CCDC178: variants seen among roughly 807,000 people sequenced by gnomAD.
CCDC178 encodes coiled-coil domain-containing protein 178.
A neutral mutation model predicts 117.4 loss-of-function variants in CCDC178; 126 were observed. That is an observed-to-expected ratio of 1.07 (90% CI 0.93 to 1.24). CCDC178 has a LOEUF of 1.24. Ranked by LOEUF, CCDC178 falls within the 50% of genes most tolerant of loss-of-function variation. The pLI is 0.00. For synonymous variants in CCDC178, 283 were observed against 313.4 expected, an observed-to-expected ratio of 0.90 and a Z score of 1.02; for missense variants, 1,030 against 986.9, an observed-to-expected ratio of 1.04 and a Z score of -0.59.
intron 21 of CCDC178, among the ~76,000 whole-genome samples, chr18:32,981,769 T>C (rs939338862): frequency 7.9e-5 from 12 of 152,272 alleles, no homozygotes; most frequent in Non-Finnish European, 1.6e-4. Context: ...AAATACTGAG[T>C]TTATATCATT....
At chr18:33,229,564 C>T (rs908557233) in intron 15 of CCDC178, among the ~76,000 whole-genome samples, 2 of 152,124 alleles carry the variant, frequency 1.3e-5, no homozygotes, top group African/African-American at 4.8e-5. Flanking sequence ...AGAGAGATTA[C>T]ATAAATTGAC....
At chr18:33,339,234 T>C (rs1243877536) in intron 9 of CCDC178, among the ~76,000 whole-genome samples, 2 of 151,736 alleles carry the variant, frequency 1.3e-5, no homozygotes, top group African/African-American at 2.4e-5. Flanking sequence ...AAATAAGATA[T>C]GGGAAATCAG....
intron 20 of CCDC178, among the ~76,000 whole-genome samples, chr18:33,134,305 A>G (rs181281483): frequency 6.6e-6 from 1 of 152,146 alleles, no homozygotes; most frequent in African/African-American, 2.4e-5. Flanking sequence ...GGGTTAGGAT[A>G]ATTGAAAACT....
chr18:33,010,900 T>C (rs776661202), intron 21 of CCDC178, among the ~76,000 whole-genome samples: 3 of 152,206 alleles, frequency 2.0e-5, no homozygotes, highest in Non-Finnish European at 4.4e-5. Context: ...ATCAGAGTGC[T>C]GTGTTAAGGT....
rs1344692376 is a variant in CCDC178 at position 33,412,081 on chromosome 18, T to A, written c.8A>T (p.Glu3Val). ...GGAAGAAGAGGAAACTGTCTTGTTT[T>A]CAGTCATAGTTATAAGAATATTTTA... MT[E>V]NKTVSSSSTR... The change falls in exon 3 of 23, where the codon GAA becomes GTA. Residue 3 changes from glutamate (E) to valine (V), a missense_variant. Transcript: ENST00000383096. 3.4e-6 allele frequency: 5 copies of A among 1,464,232 alleles called. No homozygotes were observed. Among genetic ancestry groups the A allele is most frequent in the African/African-American group, 1.4e-5 (1 of 71,652 alleles). The allele number at this position is 1,464,232 out of a possible 1,614,324, so 90.7% of individuals were successfully genotyped here.
intron 21 of CCDC178, among the ~76,000 whole-genome samples, chr18:32,998,237 C>T (rs2144761743): frequency 6.6e-6 from 1 of 152,312 alleles, no homozygotes; most frequent in Non-Finnish European, 1.5e-5. Context: ...GAATGCAATA[C>T]TGGGAAAGAA....
chr18:33,272,968 G>T (rs1251926564), intron 12 of CCDC178, among the ~76,000 whole-genome samples: 1 of 150,854 alleles, frequency 6.6e-6, no homozygotes, highest in Non-Finnish European at 1.5e-5. Flanking sequence ...ACTAACATCA[G>T]AAAGGATGGG....
At chr18:33,266,795 T>C (rs1486826271) in intron 14 of CCDC178, 121 bp downstream of exon 14, 2 of 1,035,218 alleles carry the variant, frequency 1.9e-6, no homozygotes, top group Non-Finnish European at 2.7e-6. Flanking sequence ...AGAACTTAAA[T>C]TTTAAGCTAC....
chr18:33,400,207 A>T (rs1306586451), intron 3 of CCDC178, among the ~76,000 whole-genome samples: 1 of 150,994 alleles, frequency 6.6e-6, no homozygotes, highest in East Asian at 2.0e-4. Flanking sequence ...GTTCATTTAT[A>T]GCACACAGGC....
At chr18:33,410,214 C>CT (rs1229241532) in intron 3 of CCDC178, among the ~76,000 whole-genome samples, 1 of 152,156 alleles carries the variant, frequency 6.6e-6, no homozygotes, top group African/African-American at 2.4e-5. Context: ...AACTATTAGT[C>CT]TTTTTAATTC....
At chr18:33,031,441 G>C (rs2056341136) in intron 21 of CCDC178, among the ~76,000 whole-genome samples, 1 of 151,780 alleles carries the variant, frequency 6.6e-6, no homozygotes, top group South Asian at 2.1e-4. Context: ...GGTTGCTCCA[G>C]GGCTTACTGC....
At chr18:33,437,026 T>C (rs961100753) in intron 2 of CCDC178, among the ~76,000 whole-genome samples, 7 of 152,226 alleles carry the variant, frequency 4.6e-5, no homozygotes, top group African/African-American at 1.2e-4. Flanking sequence ...TATAAAGTTG[T>C]TCTGGGAGTA....
chr18:33,291,263 C>T (rs1356850898), intron 12 of CCDC178, among the ~76,000 whole-genome samples: 1 of 152,044 alleles, frequency 6.6e-6, no homozygotes. Flanking sequence ...AACGTCTCTT[C>T]ATCAGAAGTT....
chr18:33,418,356 C>A (rs1403976764), intron 2 of CCDC178, among the ~76,000 whole-genome samples: 1 of 152,024 alleles, frequency 6.6e-6, no homozygotes, highest in Non-Finnish European at 1.5e-5. Context: ...TAAGAGCCAT[C>A]TAATAAGACA....
At chr18:33,327,671 T>A (rs1199588866) in intron 10 of CCDC178, among the ~76,000 whole-genome samples, 1 of 152,144 alleles carries the variant, frequency 6.6e-6, no homozygotes, top group Admixed American at 6.5e-5. Context: ...CTTATTGTGG[T>A]TTTGATTTGC....
rs7239655 is a variant in CCDC178, at chr18:33,169,659, A to C, written c.2238+42237T>G. Among the ~76,000 whole-genome samples, 46 of 152,290 alleles carry C rather than the reference A, an allele frequency of 3.0e-4. 1 individual carries two copies. Among genetic ancestry groups the C allele is most frequent in the African/African-American group, 1.1e-3 (45 of 41,568 alleles). ...CAACTCTTTACTTAAAATTCTTATA[A>C]AAATTTCTGTTTGAAAGGCTAGATA... On this transcript the variant is annotated intron_variant, in intron 20 of 22. Coordinates refer to ENST00000383096, the MANE Select transcript of CCDC178 (RefSeq NM_001105528.4).
At chr18:33,397,560 G>A (rs1425542892) in intron 3 of CCDC178, among the ~76,000 whole-genome samples, 6 of 152,080 alleles carry the variant, frequency 3.9e-5, no homozygotes, top group East Asian at 3.9e-4. Context: ...AATTTCCAAA[G>A]TTATATATGG....
intron 21 of CCDC178, among the ~76,000 whole-genome samples, chr18:33,071,422 A>T (rs1409362646): frequency 3.3e-5 from 5 of 152,138 alleles, no homozygotes; most frequent in Non-Finnish European, 7.4e-5. Flanking sequence ...AAATAATCTG[A>T]TGTCATTATT....
chr18:33,007,784 T>C (rs902187428), intron 21 of CCDC178, among the ~76,000 whole-genome samples: 1 of 152,154 alleles, frequency 6.6e-6, no homozygotes, highest in Admixed American at 6.6e-5. Context: ...ACTGATCAGC[T>C]ATAGGACTAC....
Sources: gnomAD v4.1 joint callset for allele counts (sites outside exome capture counted in the v4.1 genomes callset) on GRCh38, gnomAD v4.1.1 for gene constraint, MANE v1.5 for transcripts, NCBI Gene and HGNC (gene_info 2026-07-23, HGNC 2026-07-21) for gene names.